USP51: variants seen among roughly 807,000 people sequenced by gnomAD.
USP51 encodes ubiquitin specific peptidase 51.
Under a neutral mutation model 17.6 loss-of-function variants are expected in USP51, and 5 were observed. That is an observed-to-expected ratio of 0.28 (90% CI 0.15 to 0.60). The LOEUF (loss-of-function observed/expected upper bound fraction) is 0.60, where lower values mean the gene tolerates loss of function less well. USP51 is among the 20% of genes least tolerant of loss of function. The pLI is 0.88. For synonymous variants in USP51, 248 were observed against 216.1 expected (o/e 1.15, Z -1.29); for missense variants, 459 against 559.5 (o/e 0.82, Z 1.81).
chrX:55,489,373 A>C lies in USP51; in HGVS notation c.-246-8T>G, dbSNP rs756054142. On this transcript the variant is annotated splice_region_variant and splice_polypyrimidine_tract_variant and intron_variant, in intron 1 of 2. Transcript: ENST00000500968. ...ACGTTCTTTCCCTGTATCCTAAAAA[A>C]CACTTGGGTCAACATTTTCTCTCCA... 2.7e-5 allele frequency among the ~76,000 whole-genome samples: 3 copies of C among 113,122 alleles called. No homozygotes were observed. Among genetic ancestry groups the C allele is most frequent in the Non-Finnish European group, 5.6e-5 (3 of 53,378 alleles).
At position 55,488,515 on chromosome X, in the gene USP51, G is replaced by A. The variant is rs1291395992; in HGVS notation, c.425C>T (p.Pro142Leu). 4.4e-6 allele frequency: 5 copies of A among 1,127,446 alleles called. No individual in the cohort carries two copies. The South Asian group carries it at 9.2e-5, about 21-fold the overall frequency. 92.9% of individuals were successfully genotyped at this position (1,127,446 alleles called of 1,213,427 possible). The change falls in exon 3 of 3, where the codon CCG becomes CTG. Residue 142 changes from proline to leucine, a missense_variant. Around this residue, in one of 2 missense-constraint regions of USP51, gnomAD observed 232 missense variants for 194.0 expected, o/e 1.20. Transcript: ENST00000500968. ...PPPPPPPPPAPRPRAWRGSRR... is the reference protein window; with the variant it reads ...PPPPPPPPPALRPRAWRGSRR... ...GGATCCACGCCAGGCCCTGGGCCGC[G>A]GTGCGGGTGGGGGCGGGGGTGGCGG...
Position 55,488,358 on chromosome X carries a change from G to T in USP51, c.582C>A (p.Gly194=). ...LEVEFGQGPT[G]CSHVESFKVG... The stretch of plus-strand genomic sequence containing the variant: ...CTTTAAAGCTCTCCACATGAGAGCA[G>T]CCTGTGGGACCCTGACCAAACTCGA... The change falls in exon 3 of 3, where the codon GGC becomes GGA. Residue 194 remains glycine (G), a synonymous_variant. Transcript: ENST00000500968. 1 of 1,211,792 alleles carries T rather than the reference G, an allele frequency of 8.3e-7. No individual in the cohort carries two copies. The highest frequency in any genetic ancestry group is 1.1e-6 in the Non-Finnish European group (1 of 895,317).
Position 55,487,642 on chromosome X carries a change from T to A in USP51, c.1298A>T (p.His433Leu). Reference sequence around the variant, plus strand: ...ATGTTCTGCATGGATCCATATCAGATGCAGTAACTTATAGGGAATGTGAGG... The same window carrying A: ...ATGTTCTGCATGGATCCATATCAGAAGCAGTAACTTATAGGGAATGTGAGG... ...RTPHIPYKLL[H>L]LIWIHAEHLA... The change falls in exon 3 of 3, where the codon CAT becomes CTT. Residue 433 changes from histidine (H) to leucine (L), a missense_variant. This residue lies in a region of USP51 where 227 missense variants were observed against 365.5 expected (regional missense o/e 0.62). Coordinates refer to ENST00000500968, the MANE Select transcript of USP51 (RefSeq NM_201286.4). The A allele has an allele frequency of 8.3e-7, 1 of 1,212,002 alleles. No homozygotes were observed. Among genetic ancestry groups the A allele is most frequent in the Non-Finnish European group, 1.1e-6 (1 of 895,603 alleles).
chrX:55,489,593 C>T (rs749122936), intron 1 of USP51, among the ~76,000 whole-genome samples, 183 bp downstream of exon 1: 7 of 111,960 alleles, frequency 6.3e-5, no homozygotes, highest in Non-Finnish European at 1.3e-4. Flanking sequence ...CCTTTTCTTG[C>T]TTCTGCGACT....
Position 55,487,407 on chromosome X carries a change from G to C in USP51, c.1533C>G (p.Cys511Trp). 8.3e-7 allele frequency: 1 copy of C among 1,211,921 alleles called. No homozygotes were observed. Among genetic ancestry groups the C allele is most frequent in the Non-Finnish European group, 1.1e-6 (1 of 895,600 alleles). The change falls in exon 3 of 3, where the codon TGC becomes TGG. Residue 511 changes from cysteine (C) to tryptophan (W), a missense_variant. This residue lies in a region of USP51 where 227 missense variants were observed against 365.5 expected (regional missense o/e 0.62). Transcript: ENST00000500968. ...CHSVSTTIDP[C>W]WDISLDLPGS... Reference sequence around the variant, plus strand: ...CAGGCAAGTCCAAACTGATGTCCCAGCATGGGTCTATGGTGGTAGAAACAC... The same window carrying C: ...CAGGCAAGTCCAAACTGATGTCCCACCATGGGTCTATGGTGGTAGAAACAC...
rs768453397 is a variant in USP51 at position 55,488,651 on chromosome X, G to A, written c.289C>T (p.Pro97Ser). The A allele has an allele frequency of 1.7e-6, 2 of 1,186,068 alleles. No individual in the cohort carries two copies. The highest frequency in any genetic ancestry group is 2.3e-6 in the Non-Finnish European group (2 of 888,194). ...CGGGGCTTGCGGCGCGGGCAAACGGGCGAGGAGCTGCTGTGACAGCGAAGG... is the reference window on the plus strand; with the variant it reads ...CGGGGCTTGCGGCGCGGGCAAACGGACGAGGAGCTGCTGTGACAGCGAAGG... ...IPLRCHSSSS[P>S]VCPRRKPRPR... The change falls in exon 3 of 3, where the codon CCC becomes TCC. Residue 97 changes from proline to serine, a missense_variant. Physicochemically the swap from Pro to Ser is moderately conservative, Grantham distance 74. This residue lies in a region of USP51 where 232 missense variants were observed against 194.0 expected (regional missense o/e 1.20). Transcript: ENST00000500968.
Position 55,486,664 on chromosome X carries a change from T to C in USP51, c.*140A>G, listed in dbSNP as rs2031322341. The C allele has an allele frequency of 2.3e-6, 2 of 869,699 alleles. No homozygotes were observed. Among genetic ancestry groups the C allele is most frequent in the African/African-American group, 2.0e-5 (1 of 48,957 alleles). The allele number at this position is 869,699 out of a possible 1,213,427, so 71.7% of individuals were successfully genotyped here. On this transcript the variant is annotated 3_prime_UTR_variant, in exon 3 of 3. Coordinates refer to ENST00000500968, the MANE Select transcript of USP51 (RefSeq NM_201286.4). ...TTTCTTCCGACAGACCCATGGGCCA[T>C]GCTAAAATAGGTTCTTTATATCAAG...
In USP51 at chrX:55,486,075, CTTTAATT is replaced by C. The variant is rs1177501156; in HGVS notation, c.*722_*728del. On this transcript the variant is annotated 3_prime_UTR_variant, in exon 3 of 3. Coordinates refer to ENST00000500968, the MANE Select transcript of USP51 (RefSeq NM_201286.4). ...TTTTAAGATGTTCCTTTGTTTCTAA[CTTTAATT>C]TTTAACAGTATTTTCTTCCTTTTTT... 1 of 110,889 alleles carries C rather than the reference CTTTAATT, an allele frequency of 9.0e-6. No homozygotes were observed. The allele number at this position is 110,889 out of a possible 1,213,427, so 9.1% of individuals were successfully genotyped here. A position where few individuals can be genotyped will look rare whatever the true frequency, so the allele number is the denominator to read the frequency against.
At chrX:55,489,448 T>A (rs1212724699) in intron 1 of USP51, among the ~76,000 whole-genome samples, 83 bp from the exon 2 acceptor site, 1 of 112,580 alleles carries the variant, frequency 8.9e-6, no homozygotes, top group Non-Finnish European at 1.9e-5. Context: ...AGGAAGAAAG[T>A]GTCCCTCTGT....
Position 55,487,171 on chromosome X carries a change from A to G in USP51, c.1769T>C (p.Ile590Thr), listed in dbSNP as rs779749195. The G allele has an allele frequency of 6.6e-6, 8 of 1,211,941 alleles. No homozygotes were observed. Among genetic ancestry groups the G allele is most frequent in the South Asian group, 3.5e-5 (2 of 57,002 alleles). Residue 590 changes from isoleucine (I) to threonine (T), a missense_variant, in exon 3 of 3, where the codon ATT becomes ACT. Coordinates refer to ENST00000500968, the MANE Select transcript of USP51 (RefSeq NM_201286.4). ...TKQLTMKKLPIVACFHLKRFE... is the reference protein window; with the variant it reads ...TKQLTMKKLPTVACFHLKRFE... The stretch of plus-strand genomic sequence containing the variant: ...CCGCTTGAGATGAAAACAAGCCACA[A>G]TGGGTAATTTTTTCATTGTGAGCTG...
chrX:55,488,812 C>CCCG lies in USP51; in HGVS notation c.125_127dup (p.Ala42dup). 1 of 1,211,041 alleles carries CCCG rather than the reference C, an allele frequency of 8.3e-7. No individual in the cohort carries two copies. The highest frequency in any genetic ancestry group is 1.1e-6 in the Non-Finnish European group (1 of 895,408). On this transcript the variant is annotated inframe_insertion, in exon 3 of 3. Transcript: ENST00000500968. Reference sequence around the variant, plus strand: ...ACGTCTCGAAGACGCCTTCGTAGCCCCCGCCGCCGCCTCCTCCATTTTCCC... The same window carrying CCCG: ...ACGTCTCGAAGACGCCTTCGTAGCCCCCGCCGCCGCCGCCTCCTCCATTTTCCC...
Position 55,487,401 on chromosome X carries a change from GT to G in USP51, c.1538del (p.Asp513AlafsTer25). 1 of 1,211,840 alleles carries G rather than the reference GT, an allele frequency of 8.3e-7. No individual in the cohort carries two copies. Among genetic ancestry groups the G allele is most frequent in the Non-Finnish European group, 1.1e-6 (1 of 895,608 alleles). On this transcript the variant is annotated frameshift_variant, in exon 3 of 3. Coordinates refer to ENST00000500968, the MANE Select transcript of USP51 (RefSeq NM_201286.4). LOFTEE classifies it high-confidence loss of function. ...AAGAGCCAGGCAAGTCCAAACTGAT[GT>G]CCCAGCATGGGTCTATGGTGGTAGA... Reference protein sequence around the residue: ...SVSTTIDPCWDISLDLPGSCA... With the variant: ...SVSTTIDPCWXISLDLPGSCA...
At position 55,486,027 on chromosome X, in the gene USP51, T is replaced by C. The variant is rs982668280; in HGVS notation, c.*777A>G. On this transcript the variant is annotated 3_prime_UTR_variant, in exon 3 of 3. Coordinates refer to ENST00000500968, the MANE Select transcript of USP51 (RefSeq NM_201286.4). The stretch of plus-strand genomic sequence containing the variant: ...GCTTTAATTTTGAAATATCTATTTA[T>C]ATTATTTTCCTTCATTTGAAACTTT... 3.9e-4 allele frequency: 43 copies of C among 111,477 alleles called. No homozygotes were observed. The highest frequency in any genetic ancestry group is 3.5e-3 in the Admixed American group (37 of 10,527). The allele number at this position is 111,477 out of a possible 1,213,427, so 9.2% of individuals were successfully genotyped here.
At position 55,488,594 on chromosome X, in the gene USP51, T is replaced by C. The variant is rs2031365952; in HGVS notation, c.346A>G (p.Ser116Gly). 8 of 1,095,732 alleles carry C rather than the reference T, an allele frequency of 7.3e-6. No homozygotes were observed. In the South Asian group the frequency reaches 9.0e-5, roughly 12 times the overall value. 90.3% of individuals were successfully genotyped at this position (1,095,732 alleles called of 1,213,427 possible). A position where few individuals can be genotyped will look rare whatever the true frequency, so the allele number is the denominator to read the frequency against. The change falls in exon 3 of 3, where the codon AGC becomes GGC. Residue 116 changes from serine to glycine, a missense_variant. By Grantham distance (56) the Ser-to-Gly change is moderately conservative (BLOSUM62 0). Transcript: ENST00000500968. ...PRPQPRARSR[S>G]QPGLSAPPPP... ...GGTGGGGCCGAGAGCCCAGGCTGGC[T>C]GCGGGAGCGGGCCCGGGGCTGGGGC... is the stretch of plus-strand genomic sequence containing the variant.
In USP51 at chrX:55,487,716, G is replaced by C; in HGVS notation, c.1224C>G (p.Val408=). Residue 408 remains valine, a synonymous_variant, in exon 3 of 3, where the codon GTC becomes GTG. Transcript: ENST00000500968. Reference sequence around the variant, plus strand: ...CATGAAAAAGCGAAGACATTTCACAGACCAGACACAAGCTGGGGCTTGTCA... The same window carrying C: ...CATGAAAAAGCGAAGACATTTCACACACCAGACACAAGCTGGGGCTTGTCA... ...CIMTSPSLCL[V]CEMSSLFHAM... 8.3e-7 allele frequency: 1 copy of C among 1,212,091 alleles called. No homozygotes were observed. Among genetic ancestry groups the C allele is most frequent in the Non-Finnish European group, 1.1e-6 (1 of 895,611 alleles).
intron 2 of USP51, 22 bp from the exon 3 acceptor site, chrX:55,489,010 G>A: frequency 2.6e-6 from 3 of 1,138,943 alleles, no homozygotes; most frequent in Non-Finnish European, 3.5e-6. Context: ...AGGAGACAGA[G>A]ACTTCTGTGA....
In USP51 at chrX:55,487,563, G is replaced by A. The variant is rs776132878; in HGVS notation, c.1377C>T (p.Asp459=). ...DAHEFLIAIL[D]VLHRHSKDDS... ...CATCTTTGCTGTGTCTATGTAGCAC[G>A]TCTAATATTGCAATAAGGAACTCAT... The change falls in exon 3 of 3, where the codon GAC becomes GAT. Residue 459 remains aspartate (D), a synonymous_variant. Coordinates refer to ENST00000500968, the MANE Select transcript of USP51 (RefSeq NM_201286.4). The A allele has an allele frequency of 8.3e-6, 10 of 1,210,417 alleles. No individual in the cohort carries two copies. Among genetic ancestry groups the A allele is most frequent in the Admixed American group, 2.2e-5 (1 of 45,843 alleles).
In USP51 at chrX:55,486,977, T is replaced by C. The variant is rs773498957; in HGVS notation, c.1963A>G (p.Ile655Val). The stretch of plus-strand genomic sequence containing the variant: ...CTTTCCAAAGTTCCATGGTGATTAA[T>C]CACTGCAAACAAGGAATACTTATTC... ...NENKYSLFAV[I>V]NHHGTLESGH... Residue 655 changes from isoleucine to valine, a missense_variant, in exon 3 of 3, where the codon ATT (isoleucine) becomes GTT (valine). By Grantham distance (29) the Ile-to-Val change is conservative. This residue lies in a region of USP51 where 227 missense variants were observed against 365.5 expected (regional missense o/e 0.62). Transcript: ENST00000500968. The C allele has an allele frequency of 5.9e-5, 72 of 1,210,144 alleles. 1 individual carries two copies. In the East Asian group the frequency reaches 2.0e-3, roughly 34 times the overall value.
Position 55,488,711 on chromosome X carries a change from T to G in USP51, c.229A>C (p.Ser77Arg). ...GGGAGCACCTTCTCGTCGCCGCCGC[T>G]GCTGCTCCACGTCAAGTTCTCCTCC... Reference protein sequence around the residue: ...APEENLTWSSSGGDEKVLPSI... With the variant: ...APEENLTWSSRGGDEKVLPSI... Residue 77 changes from serine (S) to arginine (R), a missense_variant, in exon 3 of 3, where the codon AGC becomes CGC. Coordinates refer to ENST00000500968, the MANE Select transcript of USP51 (RefSeq NM_201286.4). 8 of 1,203,075 alleles carry G rather than the reference T, an allele frequency of 6.6e-6. No individual in the cohort carries two copies. The highest frequency in any genetic ancestry group is 8.9e-6 in the Non-Finnish European group (8 of 895,330).
Sources: allele counts gnomAD v4.1 joint callset (sites outside exome capture counted in the v4.1 genomes callset), GRCh38; gene constraint gnomAD v4.1.1; regional missense constraint gnomAD v4.1.1; transcripts MANE v1.5; gene names NCBI Gene and HGNC (gene_info 2026-07-23, HGNC 2026-07-21).